TSHZ1: variants seen among roughly 807,000 people sequenced by gnomAD.
TSHZ1 encodes teashirt homolog 1.
A neutral mutation model predicts 67.1 loss-of-function variants in TSHZ1; 12 were observed. The observed-to-expected ratio is 0.18, with a 90% CI of 0.11 to 0.29. TSHZ1 has a LOEUF of 0.29. Ranked by LOEUF, TSHZ1 falls within the 10% of genes least tolerant of loss-of-function variation. TSHZ1 has a pLI of 1.00. For synonymous variants in TSHZ1, 632 were observed against 622.4 expected (o/e 1.02, Z -0.23); for missense variants, 1,305 against 1,413.9 (o/e 0.92, Z 1.23).
At chr18:75,231,239 G>A (rs1175766598) in intron 1 of TSHZ1, among the ~76,000 whole-genome samples, 1 of 152,212 alleles carries the variant, frequency 6.6e-6, no homozygotes, top group Admixed American at 6.5e-5. Context: ...GAGATCTCAG[G>A]CTGCTGTGCT....
intron 1 of TSHZ1, among the ~76,000 whole-genome samples, chr18:75,249,872 G>A (rs933665540): frequency 4.1e-5 from 6 of 144,928 alleles, no homozygotes; most frequent in Non-Finnish European, 9.1e-5. Context: ...CCTCCTCCCT[G>A]CCTCACCCCT....
chr18:75,248,944 C>T (rs528039350), intron 1 of TSHZ1, among the ~76,000 whole-genome samples: 2 of 152,178 alleles, frequency 1.3e-5, no homozygotes, highest in Non-Finnish European at 2.9e-5. Flanking sequence ...CAGTACCAGG[C>T]GAGCCACCTC....
intron 1 of TSHZ1, among the ~76,000 whole-genome samples, chr18:75,235,106 C>T (rs891872797): frequency 1.3e-5 from 2 of 152,106 alleles, no homozygotes; most frequent in Admixed American, 1.3e-4. Flanking sequence ...TGCATTACCT[C>T]CTGCGCGTGA....
chr18:75,264,033 A>G (rs1273123687), intron 1 of TSHZ1, among the ~76,000 whole-genome samples: 1 of 152,214 alleles, frequency 6.6e-6, no homozygotes, highest in Non-Finnish European at 1.5e-5. Flanking sequence ...CTAACCATAG[A>G]ATAGTCCAGA....
At chr18:75,223,142 TCACGG>T (rs1204633153) in intron 1 of TSHZ1, among the ~76,000 whole-genome samples, 2 of 152,232 alleles carry the variant, frequency 1.3e-5, no homozygotes, top group East Asian at 3.8e-4. Context: ...TCTTGGGAAT[TCACGG>T]CACTCAGTTA....
intron 1 of TSHZ1, among the ~76,000 whole-genome samples, chr18:75,218,654 G>A (rs1208923991): frequency 6.6e-6 from 1 of 152,198 alleles, no homozygotes; most frequent in East Asian, 1.9e-4. Context: ...GGCCGGGCTG[G>A]GGGGAGCCGT....
chr18:75,271,222 T>C (rs1454609900), intron 1 of TSHZ1, among the ~76,000 whole-genome samples: 1 of 152,104 alleles, frequency 6.6e-6, no homozygotes, highest in Admixed American at 6.5e-5. Context: ...CTAGGAATTG[T>C]TTATACTAAA....
At chr18:75,232,095 T>C (rs1437636606) in intron 1 of TSHZ1, among the ~76,000 whole-genome samples, 1 of 151,998 alleles carries the variant, frequency 6.6e-6, no homozygotes, top group African/African-American at 2.4e-5. Context: ...GTATTTTTAG[T>C]AGTGACAGGG....
intron 1 of TSHZ1, among the ~76,000 whole-genome samples, chr18:75,274,794 A>G (rs1408219443): frequency 6.6e-6 from 1 of 152,226 alleles, no homozygotes; most frequent in East Asian, 1.9e-4. Flanking sequence ...AATAGTAAAA[A>G]TAAACCTAAT....
chr18:75,285,987 A>T lies in TSHZ1; in HGVS notation c.580A>T (p.Ser194Cys). The change falls in exon 2 of 2, where the codon AGC becomes TGC. Residue 194 changes from serine (S) to cysteine (C), a missense_variant. Around this residue, in one of 3 missense-constraint regions of TSHZ1, gnomAD observed 358 missense variants for 375.6 expected, o/e 0.95. Coordinates refer to ENST00000580243, the MANE Select transcript of TSHZ1 (RefSeq NM_001308210.2). ...CAGCAGTACCACCAGTACCAGCAGC[A>T]GCTCCGGGTACGACTGGCACCAGGC... ...SHSSTTSTSS[S>C]SGYDWHQAAL... 1 of 1,601,460 alleles carries T rather than the reference A, an allele frequency of 6.2e-7. No homozygotes were observed.
At chr18:75,282,101 C>G (rs1175775071) in intron 1 of TSHZ1, among the ~76,000 whole-genome samples, 1 of 152,162 alleles carries the variant, frequency 6.6e-6, no homozygotes, top group Non-Finnish European at 1.5e-5. Context: ...AGGGCCTTCT[C>G]GTTCTGTGGA....
chr18:75,222,852 T>G (rs980813457), intron 1 of TSHZ1, among the ~76,000 whole-genome samples: 1 of 152,190 alleles, frequency 6.6e-6, no homozygotes, highest in Non-Finnish European at 1.5e-5. Flanking sequence ...TGGCTAAATT[T>G]CTGGGAGTAA....
chr18:75,275,331 T>C (rs2023602816), intron 1 of TSHZ1, among the ~76,000 whole-genome samples: 1 of 152,228 alleles, frequency 6.6e-6, no homozygotes, highest in Non-Finnish European at 1.5e-5. Context: ...CTTTTTGGAA[T>C]AAACTTTGTG....
At chr18:75,256,032 C>T (rs958149370) in intron 1 of TSHZ1, among the ~76,000 whole-genome samples, 1 of 152,192 alleles carries the variant, frequency 6.6e-6, no homozygotes, top group African/African-American at 2.4e-5. Flanking sequence ...CACTTTAATG[C>T]ATAAAGACAC....
chr18:75,258,597 A>C (rs1337976594), intron 1 of TSHZ1, among the ~76,000 whole-genome samples: 4 of 152,184 alleles, frequency 2.6e-5, no homozygotes, highest in Non-Finnish European at 4.4e-5. Context: ...TTCCATGGTG[A>C]TACAGTATAT....
Position 75,241,474 on chromosome 18 carries a change from G to A in TSHZ1, c.40+29558G>A, listed in dbSNP as rs141458172. ...CCCTCCGCATAAGGAGTCACGGGCC[G>A]GGGGTTGGCGGGATGTGCGTCTGTG... On this transcript the variant is annotated intron_variant, in intron 1 of 1. Transcript: ENST00000580243. Among the ~76,000 whole-genome samples, 1,454 of 152,254 alleles carry A rather than the reference G, an allele frequency of 9.5e-3. 10 individuals carry two copies. Among genetic ancestry groups the A allele is most frequent in the Non-Finnish European group, 0.016 (1,081 of 68,012 alleles).
chr18:75,240,136 G>A (rs1655936116), intron 1 of TSHZ1, among the ~76,000 whole-genome samples: 1 of 152,176 alleles, frequency 6.6e-6, no homozygotes, highest in South Asian at 2.1e-4. Context: ...TCCTTGGAGA[G>A]TTTAACGTTT....
intron 1 of TSHZ1, among the ~76,000 whole-genome samples, chr18:75,276,589 C>G (rs1036598124): frequency 2.0e-5 from 3 of 152,182 alleles, no homozygotes; most frequent in African/African-American, 7.2e-5. Flanking sequence ...TCGTAAGATT[C>G]TACAATGAAT....
chr18:75,215,347 G>A (rs2022752607), intron 1 of TSHZ1, among the ~76,000 whole-genome samples: 1 of 152,244 alleles, frequency 6.6e-6, no homozygotes, highest in Non-Finnish European at 1.5e-5. Context: ...GGGCAAGTCT[G>A]TGTCTGGGTA....
Sources: gnomAD v4.1 joint callset for allele counts (sites outside exome capture counted in the v4.1 genomes callset) on GRCh38, gnomAD v4.1.1 for gene constraint, gnomAD v4.1.1 regional missense constraint, MANE v1.5 for transcripts, NCBI Gene and HGNC (gene_info 2026-07-23, HGNC 2026-07-21) for gene names.